Variants in PI4KA observed in about 807,000 individuals in gnomAD.
PI4KA encodes the protein phosphatidylinositol 4-kinase alpha, also known as PI4-kinase alpha.
PI4KA carries 122 observed loss-of-function variants against 271.4 expected under a neutral mutation model. That is an observed-to-expected ratio of 0.45 (90% confidence interval 0.39 to 0.52). The LOEUF (loss-of-function observed/expected upper bound fraction) is 0.52, where lower values mean the gene tolerates loss of function less well. Ranked by LOEUF, PI4KA falls within the 20% of genes least tolerant of loss-of-function variation. The pLI is 0.00. For missense variants in PI4KA, 1,969 were observed against 2,769.1 expected (o/e 0.71, Z 6.48); for synonymous variants, 1,041 against 1,078.8 (o/e 0.96, Z 0.69).
chr22:20,828,924 A>G (rs1923796925), intron 3 of PI4KA, among the ~76,000 whole-genome samples: 1 of 152,208 alleles, frequency 6.6e-6, no homozygotes, highest in African/African-American at 2.4e-5. Context: ...TAAGATAATC[A>G]CATGGTTTTT....
At position 20,729,723 on chromosome 22, in the gene PI4KA, G is replaced by A. The variant is rs1024374995; in HGVS notation, c.4409-12C>T. 1 of 1,590,754 alleles carries A rather than the reference G, an allele frequency of 6.3e-7. No homozygotes were observed. The highest frequency in any genetic ancestry group is 1.3e-5 in the African/African-American group (1 of 74,626). The stretch of plus-strand genomic sequence containing the variant: ...TTTCTTAGACATGCCTAGGAGGAAA[G>A]ACAAAGCACAGGTGTAGTCCTCAGA... On this transcript the variant is annotated splice_polypyrimidine_tract_variant and intron_variant, in intron 37 of 54. Coordinates refer to ENST00000255882, the MANE Select transcript of PI4KA (RefSeq NM_058004.4).
Position 20,714,657 on chromosome 22 carries a change from G to C in PI4KA, c.5361C>G (p.Ile1787Met). The change falls in exon 46 of 55, where the codon ATC (isoleucine) becomes ATG (methionine). Residue 1787 changes from isoleucine to methionine, a missense_variant. By Grantham distance (10) the Ile-to-Met change is conservative. Transcript: ENST00000255882. The stretch of plus-strand genomic sequence containing the variant: ...GCATCGGGGTCCCAGACTTGTAGTC[G>C]ATGTCCAGCACAATGGCCTCAGGGT... ...PSNPEAIVLD[I>M]DYKSGTPMQS... The C allele has an allele frequency of 3.7e-6, 6 of 1,614,002 alleles. No individual in the cohort carries two copies. The highest frequency in any genetic ancestry group is 5.1e-6 in the Non-Finnish European group (6 of 1,179,872).
At chr22:20,809,980 C>T (rs1935900954) in intron 9 of PI4KA, among the ~76,000 whole-genome samples, 1 of 152,124 alleles carries the variant, frequency 6.6e-6, no homozygotes, top group Admixed American at 6.5e-5. Flanking sequence ...ACAGTGGTAT[C>T]AGGCACTGTG....
At chr22:20,786,805 A>G in intron 19 of PI4KA, 2 of 1,425,676 alleles carry the variant, frequency 1.4e-6, no homozygotes, top group Non-Finnish European at 2.0e-6. Context: ...GAATGATATG[A>G]GATTGTGCTG....
At chr22:20,786,883 C>A (rs774578733) in intron 19 of PI4KA, 6 of 1,614,068 alleles carry the variant, frequency 3.7e-6, no homozygotes, top group Non-Finnish European at 5.1e-6. Context: ...AGTTCAAGCA[C>A]CAAGGCACGA....
intron 19 of PI4KA, among the ~76,000 whole-genome samples, chr22:20,773,583 T>C (rs1933010026): frequency 6.6e-6 from 1 of 152,196 alleles, no homozygotes; most frequent in Non-Finnish European, 1.5e-5. Context: ...GAAAGGTCCA[T>C]GCCACAATCC....
intron 18 of PI4KA, 23 bp downstream of exon 18, chr22:20,796,123 G>A (rs375740533): frequency 6.2e-7 from 1 of 1,601,390 alleles, no homozygotes; most frequent in Admixed American, 1.7e-5. Context: ...TGATGGGGAA[G>A]GCATAGCCAT....
At chr22:20,825,344 T>C (rs181545036) in intron 3 of PI4KA, among the ~76,000 whole-genome samples, 1 of 152,206 alleles carries the variant, frequency 6.6e-6, no homozygotes, top group Admixed American at 6.5e-5. Context: ...CCTATAGTCC[T>C]AGCACTTTAG....
chr22:20,713,450 G>A (rs571346236), intron 47 of PI4KA, 60 bp from the exon 48 acceptor site: 27 of 1,299,802 alleles, frequency 2.1e-5, no homozygotes, highest in African/African-American at 5.9e-5. Flanking sequence ...CTCTGAGGGG[G>A]CCAGGGATGA....
chr22:20,716,986 C>G, intron 45 of PI4KA, among the ~76,000 whole-genome samples: 1 of 152,164 alleles, frequency 6.6e-6, no homozygotes. Flanking sequence ...TGGCTCATGC[C>G]TGTAATCCTA....
chr22:20,736,801 G>C (rs1218650023), intron 32 of PI4KA: 1 of 154,874 alleles, frequency 6.5e-6, no homozygotes, highest in Non-Finnish European at 1.4e-5. Context: ...GACCTCGCTG[G>C]CATCTACAGT....
At chr22:20,808,845 ATAT>A (rs1366291801) in intron 9 of PI4KA, among the ~76,000 whole-genome samples, 2 of 151,990 alleles carry the variant, frequency 1.3e-5, no homozygotes, top group African/African-American at 4.8e-5. Context: ...TGCCCAGCTA[ATAT>A]TATAATTCTT....
intron 17 of PI4KA, among the ~76,000 whole-genome samples, chr22:20,797,353 C>T (rs1464360626): frequency 6.6e-6 from 1 of 152,042 alleles, no homozygotes; most frequent in Admixed American, 6.6e-5. Flanking sequence ...TGGCAGAACA[C>T]CTAGGAGGGG....
At chr22:20,841,306 T>G (rs958437633) in intron 1 of PI4KA, among the ~76,000 whole-genome samples, 2 of 152,196 alleles carry the variant, frequency 1.3e-5, no homozygotes, top group Non-Finnish European at 2.9e-5. Flanking sequence ...TTAGCCATAC[T>G]GCCAGTGCAG....
intron 19 of PI4KA, among the ~76,000 whole-genome samples, chr22:20,786,518 G>A (rs889715987): frequency 4.6e-5 from 7 of 152,166 alleles, no homozygotes; most frequent in Admixed American, 2.6e-4. Context: ...CCAATCGGGC[G>A]CTCAGCAAAA....
chr22:20,796,116 T>C, intron 18 of PI4KA, 30 bp downstream of exon 18: 2 of 1,594,460 alleles, frequency 1.3e-6, no homozygotes, highest in Non-Finnish European at 1.7e-6. Context: ...AGGACACTGA[T>C]GGGGAAGGCA....
chr22:20,769,039 C>T (rs192730385), intron 19 of PI4KA, among the ~76,000 whole-genome samples: 5 of 152,260 alleles, frequency 3.3e-5, no homozygotes, highest in South Asian at 2.1e-4. Context: ...GCCTATGTGG[C>T]TAAGAGGTTC....
At chr22:20,783,945 A>G (rs1933999333) in intron 19 of PI4KA, 3 of 1,614,024 alleles carry the variant, frequency 1.9e-6, no homozygotes, top group Non-Finnish European at 2.5e-6. Context: ...ACCTTCTCAT[A>G]ACAGCCTCTT....
intron 1 of PI4KA, among the ~76,000 whole-genome samples, chr22:20,854,772 G>A (rs1295628472): frequency 1.3e-5 from 2 of 151,758 alleles, no homozygotes; most frequent in African/African-American, 4.8e-5. Flanking sequence ...GAAGGGGAGG[G>A]ATTGGGTTTT....
Sources: gnomAD v4.1 joint callset for allele counts (sites outside exome capture counted in the v4.1 genomes callset) on GRCh38, gnomAD v4.1.1 for gene constraint, MANE v1.5 for transcripts, NCBI Gene and HGNC (gene_info 2026-07-23, HGNC 2026-07-21) for gene names.